ABCA5: variants seen among roughly 807,000 people sequenced by gnomAD.
ABCA5 encodes the protein cholesterol transporter ABCA5.
ABCA5 carries 163 observed loss-of-function variants against 206.0 expected under a neutral mutation model. That is an observed-to-expected ratio of 0.79 (90% CI 0.70 to 0.90). The LOEUF (loss-of-function observed/expected upper bound fraction) is 0.90, where lower values mean the gene tolerates loss of function less well. Ranked by LOEUF, ABCA5 falls within the 40% of genes least tolerant of loss-of-function variation. The pLI is 0.00. For synonymous variants in ABCA5, 609 were observed against 613.8 expected, an observed-to-expected ratio of 0.99 and a Z score of 0.11; for missense variants, 1,859 against 1,912.9, an observed-to-expected ratio of 0.97 and a Z score of 0.53.
At position 69,287,380 on chromosome 17, in the gene ABCA5, T is replaced by C. The variant is rs144634891; in HGVS notation, c.2041+233A>G. On this transcript the variant is annotated intron_variant, in intron 15 of 38. Coordinates refer to ENST00000392676, the MANE Select transcript of ABCA5 (RefSeq NM_172232.4). ...CTGTAATAAATCATAGTCATGAGTA[T>C]GACTATGTGCTGAGTCATATGAGTT... Among the ~76,000 whole-genome samples, 190 of 152,332 alleles carry C rather than the reference T, an allele frequency of 1.2e-3. 1 individual carries two copies. The highest frequency in any genetic ancestry group is 2.5e-3 in the South Asian group (12 of 4,822).
chr17:69,323,938 C>A (rs2075882196), intron 1 of ABCA5, among the ~76,000 whole-genome samples: 2 of 152,148 alleles, frequency 1.3e-5, no homozygotes, highest in South Asian at 4.1e-4. Flanking sequence ...ATTCAAATTT[C>A]AGTGTCTATA....
At chr17:69,315,003 A>G (rs1466610958) in intron 1 of ABCA5, 1 of 152,342 alleles carries the variant, frequency 6.6e-6, no homozygotes, top group African/African-American at 2.4e-5. Flanking sequence ...GGCCCTGGAT[A>G]TGGTGGTTGC....
At chr17:69,286,912 A>G (rs1046858865) in intron 15 of ABCA5, among the ~76,000 whole-genome samples, 1 of 152,184 alleles carries the variant, frequency 6.6e-6, no homozygotes, top group East Asian at 1.9e-4. Flanking sequence ...TTGTGCAGAA[A>G]AGAGTTAACA....
chr17:69,251,724 T>G, intron 35 of ABCA5, 23 bp downstream of exon 35: 1 of 1,601,644 alleles, frequency 6.2e-7, no homozygotes. Context: ...TTCCCCTGAA[T>G]GGCACGCTAT....
At chr17:69,249,707 C>T (rs930801597) in intron 37 of ABCA5, 198 bp downstream of exon 37, 1 of 599,952 alleles carries the variant, frequency 1.7e-6, no homozygotes, top group Non-Finnish European at 2.7e-6. Context: ...AAAAGGTTAT[C>T]TTCTTATCTG....
At chr17:69,270,859 G>T in intron 21 of ABCA5, 109 bp from the exon 22 acceptor site, 2 of 1,035,996 alleles carry the variant, frequency 1.9e-6, no homozygotes, top group Non-Finnish European at 2.7e-6. Context: ...CAGAAAAACT[G>T]CTTCAACAAC....
At chr17:69,325,760 G>A (rs1380320903) in intron 1 of ABCA5, 2 of 152,102 alleles carry the variant, frequency 1.3e-5, no homozygotes, top group African/African-American at 2.4e-5. Flanking sequence ...GAGTCCAGAC[G>A]TTCAAGGCTG....
chr17:69,248,802 G>T (rs1442554653), intron 37 of ABCA5: 1 of 152,400 alleles, frequency 6.6e-6, no homozygotes, highest in Non-Finnish European at 1.5e-5. Flanking sequence ...ATGGTTCACT[G>T]CAGCCTCGAC....
Position 69,271,191 on chromosome 17 carries a change from C to T in ABCA5, c.2863G>A (p.Ala955Thr). Residue 955 changes from alanine to threonine, a missense_variant, in exon 21 of 39, where the codon GCG (alanine) becomes ACG (threonine). Coordinates refer to ENST00000392676, the MANE Select transcript of ABCA5 (RefSeq NM_172232.4). ...TCTGAATGCATCACATTTAAAGCCGCACTATGGGGAGCCACGGATACATAG... is the reference window on the plus strand; with the variant it reads ...TCTGAATGCATCACATTTAAAGCCGTACTATGGGGAGCCACGGATACATAG... ...SDYVSVAPHS[A>T]ALNVMHSEKD... 1.2e-6 allele frequency: 2 copies of T among 1,613,258 alleles called. No homozygotes were observed. The highest frequency in any genetic ancestry group is 1.1e-5 in the South Asian group (1 of 90,880).
rs2075523707 is a variant in ABCA5, at chr17:69,291,304, C to T, written c.1518G>A (p.Glu506=). 6.2e-7 allele frequency: 1 copy of T among 1,606,832 alleles called. No homozygotes were observed. The highest frequency in any genetic ancestry group is 8.5e-7 in the Non-Finnish European group (1 of 1,175,060). Residue 506 remains glutamate, a synonymous_variant, in exon 12 of 39, where the codon GAG becomes GAA. Coordinates refer to ENST00000392676, the MANE Select transcript of ABCA5 (RefSeq NM_172232.4). ...ALRNLSFDIY[E]GQITALLGHS... ...GGCCAAGTAAGGCAGTAATCTGACCCTCATATATGTCAAATGACAAATCTA... is the reference window on the plus strand; with the variant it reads ...GGCCAAGTAAGGCAGTAATCTGACCTTCATATATGTCAAATGACAAATCTA...
chr17:69,273,928 C>T (rs1298068172), intron 20 of ABCA5, 31 bp downstream of exon 20: 2 of 1,571,202 alleles, frequency 1.3e-6, no homozygotes, highest in Non-Finnish European at 1.7e-6. Context: ...TCCATGCCAA[C>T]ACTCGTTCAC....
intron 24 of ABCA5, among the ~76,000 whole-genome samples, chr17:69,263,475 T>C (rs754395309): frequency 2.6e-5 from 4 of 152,138 alleles, no homozygotes; most frequent in Non-Finnish European, 5.9e-5. Context: ...GCACCATTTA[T>C]TGAACACAGA....
At chr17:69,301,113 G>A (rs1156416509) in intron 9 of ABCA5, 26 bp downstream of exon 9, 2 of 1,489,892 alleles carry the variant, frequency 1.3e-6, no homozygotes, top group Non-Finnish European at 8.9e-7. Flanking sequence ...AATCTTTAAA[G>A]TAAAATTCAA....
At chr17:69,289,537 T>G (rs1357372168) in intron 13 of ABCA5, among the ~76,000 whole-genome samples, 1 of 152,118 alleles carries the variant, frequency 6.6e-6, no homozygotes, top group Non-Finnish European at 1.5e-5. Flanking sequence ...GGTTTTAATT[T>G]TGTGCCTTCT....
chr17:69,248,240 T>C, intron 38 of ABCA5, 22 bp downstream of exon 38: 1 of 1,409,492 alleles, frequency 7.1e-7, no homozygotes, highest in Non-Finnish European at 9.8e-7. Context: ...AAATAATTTT[T>C]AAAAATTTAA....
At chr17:69,306,300 A>G (rs568354) in intron 6 of ABCA5, among the ~76,000 whole-genome samples, 146,391 of 152,182 alleles carry the variant, frequency 0.96, 70,682 homozygotes, top group East Asian at 1. Flanking sequence ...TTTAATCACT[A>G]TAACTAAATT....
rs915203648 is a variant in ABCA5, at chr17:69,326,136, ACTAG to A, written c.-16+912_-16+915del. Among the ~76,000 whole-genome samples the A allele has an allele frequency of 2.2e-4, 33 of 152,286 alleles. No homozygotes were observed. The highest frequency in any genetic ancestry group is 7.7e-4 in the African/African-American group (32 of 41,550). On this transcript the variant is annotated intron_variant, in intron 1 of 38. Coordinates refer to ENST00000392676, the MANE Select transcript of ABCA5 (RefSeq NM_172232.4). The surrounding 1 kb of genome is among the most constrained non-coding windows in gnomAD (Gnocchi z 4.8). The stretch of plus-strand genomic sequence containing the variant: ...GTTGGAATCTCAACTCCATCCTTTT[ACTAG>A]CTGAGACCTTAATAAGTTACTTAAC...
chr17:69,279,964 T>C (rs987636638), intron 18 of ABCA5, among the ~76,000 whole-genome samples: 10 of 152,168 alleles, frequency 6.6e-5, no homozygotes, highest in South Asian at 6.2e-4. Context: ...ATTCAGGACA[T>C]AGGCATGGGG....
chr17:69,257,960 G>C (rs958623360), intron 28 of ABCA5, among the ~76,000 whole-genome samples: 2 of 151,996 alleles, frequency 1.3e-5, no homozygotes, highest in African/African-American at 4.8e-5. Flanking sequence ...ATAATTAAGT[G>C]CTTCTATTTT....
Sources: allele counts gnomAD v4.1 joint callset (sites outside exome capture counted in the v4.1 genomes callset), GRCh38; gene constraint gnomAD v4.1.1; non-coding constraint Gnocchi (gnomAD v3.1); transcripts MANE v1.5; gene names NCBI Gene and HGNC (gene_info 2026-07-23, HGNC 2026-07-21).